Variants in ENTPD4 observed in about 807,000 individuals in gnomAD.
The protein encoded by ENTPD4 is ectonucleoside triphosphate diphosphohydrolase 4.
In ENTPD4, 60 loss-of-function variants were observed where a neutral mutation model predicts 79.1. The observed-to-expected ratio is 0.76, with a 90% CI of 0.62 to 0.94. The LOEUF is 0.94. ENTPD4 is among the 40% of genes least tolerant of loss of function. The probability of loss-of-function intolerance (pLI) is 0.00; values close to 1 mark genes in which losing one functional copy is unlikely to be tolerated. For missense variants in ENTPD4, 772 were observed against 775.1 expected (o/e 1.00, Z 0.05); for synonymous variants, 276 against 292.0 (o/e 0.95, Z 0.56).
At chr8:23,438,410 A>G (rs1343370659) in intron 9 of ENTPD4, among the ~76,000 whole-genome samples, 1 of 152,234 alleles carries the variant, frequency 6.6e-6, no homozygotes, top group East Asian at 1.9e-4. Context: ...ATGTTCGCTT[A>G]ATTTAAAAAA....
intron 6 of ENTPD4, among the ~76,000 whole-genome samples, chr8:23,443,477 G>A (rs186902634): frequency 1.3e-5 from 2 of 152,226 alleles, no homozygotes; most frequent in East Asian, 3.9e-4. Flanking sequence ...TTTGAAAATA[G>A]AACAAAGATT....
intron 1 of ENTPD4, among the ~76,000 whole-genome samples, chr8:23,454,377 C>T (rs569673719): frequency 6.6e-5 from 10 of 152,226 alleles, no homozygotes; most frequent in Non-Finnish European, 1.3e-4. Flanking sequence ...CAAACTGGTC[C>T]TTGAGGAAGA....
At chr8:23,440,971 G>A (rs1263710411) in intron 8 of ENTPD4, among the ~76,000 whole-genome samples, 1 of 152,202 alleles carries the variant, frequency 6.6e-6, no homozygotes, top group Admixed American at 6.5e-5. Context: ...CAGAAAGCTA[G>A]GCTTTGGTGT....
At chr8:23,453,391 C>A (rs10088178) in intron 1 of ENTPD4, among the ~76,000 whole-genome samples, 36,987 of 151,960 alleles carry the variant, frequency 0.24, 4,743 homozygotes, top group Admixed American at 0.35. Context: ...CAAAAAAATC[C>A]CTCCCTGCTA....
rs1005206210 is a variant in ENTPD4 at position 23,432,021 on chromosome 8, T to C, written c.*905A>G. The stretch of plus-strand genomic sequence containing the variant: ...TGGTTTCTTGGGATTTTTCACACAC[T>C]CGCACAAAGCTGTAGTCGATAGTTC... On this transcript the variant is annotated 3_prime_UTR_variant, in exon 13 of 13. Coordinates refer to ENST00000358689, the MANE Select transcript of ENTPD4 (RefSeq NM_004901.5). 2.9e-5 allele frequency: 29 copies of C among 985,296 alleles called. No homozygotes were observed. The highest frequency in any genetic ancestry group is 3.5e-5 in the Non-Finnish European group (29 of 829,938). 61.0% of individuals were successfully genotyped at this position (985,296 alleles called of 1,614,324 possible).
chr8:23,436,601 G>A (rs902076333), intron 10 of ENTPD4, among the ~76,000 whole-genome samples: 1 of 152,182 alleles, frequency 6.6e-6, no homozygotes, highest in African/African-American at 2.4e-5. Flanking sequence ...CACAAGAACA[G>A]GAGTATCCTG....
Position 23,448,933 on chromosome 8 carries a change from G to A in ENTPD4, c.15C>T (p.Gly5=), listed in dbSNP as rs551711495. 27 of 1,612,392 alleles carry A rather than the reference G, an allele frequency of 1.7e-5. No homozygotes were observed. The highest frequency in any genetic ancestry group is 5.0e-5 in the Admixed American group (3 of 59,830). ...AAGAAGCAGGAAAAAGACAGGAGAT[G>A]CCAATCCTGAAATTAGAAGGAAAAA... MGRI[G]ISCLFPASWH... The change falls in exon 3 of 13, where the codon GGC becomes GGT. Residue 5 remains glycine (G), a synonymous_variant. Coordinates refer to ENST00000358689, the MANE Select transcript of ENTPD4 (RefSeq NM_004901.5).
chr8:23,437,089 T>C lies in ENTPD4; in HGVS notation c.1219A>G (p.Asn407Asp), dbSNP rs1263444052. 1 of 1,614,196 alleles carries C rather than the reference T, an allele frequency of 6.2e-7. No homozygotes were observed. Among genetic ancestry groups the C allele is most frequent in the African/African-American group, 1.3e-5 (1 of 75,042 alleles). ...ETIQPFMNKT[N>D]ETQTSLNGVY... is the part of the protein sequence containing the mutation. ...CCATTGAGGGAAGTCTGGGTCTCGT[T>C]TGTTTTATTCATGAAAGGCTGGATA... Residue 407 changes from asparagine to aspartate, a missense_variant, in exon 10 of 13, where the codon AAC (asparagine) becomes GAC (aspartate). By Grantham distance (23) the Asn-to-Asp change is conservative. Coordinates refer to ENST00000358689, the MANE Select transcript of ENTPD4 (RefSeq NM_004901.5).
At chr8:23,439,020 T>C (rs1482025775) in intron 9 of ENTPD4, among the ~76,000 whole-genome samples, 2 of 152,186 alleles carry the variant, frequency 1.3e-5, no homozygotes, top group African/African-American at 2.4e-5. Flanking sequence ...CAGTAATAAA[T>C]AGGATAGCTT....
chr8:23,449,644 A>G (rs909354172), intron 2 of ENTPD4, among the ~76,000 whole-genome samples: 3 of 152,258 alleles, frequency 2.0e-5, no homozygotes, highest in African/African-American at 7.2e-5. Context: ...AAATATGATT[A>G]GGATTTAAAA....
intron 3 of ENTPD4, 36 bp downstream of exon 3, chr8:23,448,706 C>T (rs954217914): frequency 1.9e-6 from 3 of 1,566,738 alleles, no homozygotes; most frequent in Non-Finnish European, 2.6e-6. Context: ...GAAGGTAAGG[C>T]TTCTGGTCTA....
At chr8:23,455,668 T>C (rs1200451975) in intron 1 of ENTPD4, among the ~76,000 whole-genome samples, 1 of 152,238 alleles carries the variant, frequency 6.6e-6, no homozygotes, top group Admixed American at 6.5e-5. Context: ...AGTCTTTTTC[T>C]GGTCACTTTT....
intron 5 of ENTPD4, 136 bp downstream of exon 5, chr8:23,444,320 T>C: frequency 2.5e-6 from 2 of 809,924 alleles, no homozygotes; most frequent in Non-Finnish European, 3.9e-6. Flanking sequence ...TGTTACAGAC[T>C]TGAAGAAAGA....
chr8:23,444,363 G>A (rs1389920961), intron 5 of ENTPD4, 93 bp downstream of exon 5: 3 of 1,058,610 alleles, frequency 2.8e-6, no homozygotes, highest in Non-Finnish European at 4.2e-6. Flanking sequence ...TGATGATGAT[G>A]ATGATGGAGA....
chr8:23,435,341 AC>A (rs1164030328), intron 11 of ENTPD4, 50 bp downstream of exon 11: 1 of 1,339,448 alleles, frequency 7.5e-7, no homozygotes, highest in East Asian at 2.3e-5. Flanking sequence ...TGGGGCCAAC[AC>A]TGCATTATGG....
rs1223962831 is a variant in ENTPD4 at position 23,429,442 on chromosome 8, A to C, written c.*3484T>G. The C allele has an allele frequency of 2.6e-5, 26 of 985,010 alleles. No individual in the cohort carries two copies. The highest frequency in any genetic ancestry group is 6.1e-5 in the Admixed American group (1 of 16,274). 61.0% of individuals were successfully genotyped at this position (985,010 alleles called of 1,614,324 possible). A position where few individuals can be genotyped will look rare whatever the true frequency, so the allele number is the denominator to read the frequency against. On this transcript the variant is annotated 3_prime_UTR_variant, in exon 13 of 13. Coordinates refer to ENST00000358689, the MANE Select transcript of ENTPD4 (RefSeq NM_004901.5). The stretch of plus-strand genomic sequence containing the variant: ...GGAAACTTAGTATCAAAAGAAACAA[A>C]ACACTGAAATAAATAACTAAGTAAT...
At position 23,441,966 on chromosome 8, in the gene ENTPD4, A is replaced by G. The variant is rs79940330; in HGVS notation, c.727+41T>C. On this transcript the variant is annotated intron_variant, in intron 7 of 12. Transcript: ENST00000358689. ...CCTTTGGATTAAACAGAAAAGCACC[A>G]ATTTCCAACTAGATACATTTGTTGG... is the stretch of plus-strand genomic sequence containing the variant. The G allele has an allele frequency of 4.6e-4, 712 of 1,547,180 alleles. 6 individuals are homozygous for G. Among genetic ancestry groups the G allele is most frequent in the South Asian group, 1.6e-3 (144 of 89,664 alleles).
At chr8:23,447,630 G>C (rs931453102) in intron 4 of ENTPD4, 50 bp downstream of exon 4, 6 of 1,425,770 alleles carry the variant, frequency 4.2e-6, no homozygotes, top group Non-Finnish European at 5.9e-6. Context: ...ACGCCACAGA[G>C]AATGAAGGTA....
chr8:23,447,661 G>C lies in ENTPD4; in HGVS notation c.412+19C>G, dbSNP rs138450970. On this transcript the variant is annotated intron_variant, in intron 4 of 12. Transcript: ENST00000358689. ...AGGTACACACCCTGGTTACCAGGCAGATGTTCTCATTTACATACCCGGTTT... is the reference window on the plus strand; with the variant it reads ...AGGTACACACCCTGGTTACCAGGCACATGTTCTCATTTACATACCCGGTTT... 1,630 of 1,592,124 alleles carry C rather than the reference G, an allele frequency of 1.0e-3. 24 individuals carry two copies. The African/African-American group carries it at 0.019, about 19-fold the overall frequency.
Sources: allele counts gnomAD v4.1 joint callset (sites outside exome capture counted in the v4.1 genomes callset), GRCh38; gene constraint gnomAD v4.1.1; transcripts MANE v1.5; gene names NCBI Gene and HGNC (gene_info 2026-07-23, HGNC 2026-07-21).